LTBP2: variants seen among roughly 807,000 people sequenced by gnomAD.
LTBP2 encodes the protein latent transforming growth factor beta binding protein 2.
In LTBP2, 103 loss-of-function variants were observed where a neutral mutation model predicts 210.6. That is an observed-to-expected ratio of 0.49 (90% CI 0.42 to 0.58). LTBP2 has a LOEUF of 0.58. LTBP2 is among the 20% of genes least tolerant of loss of function. The pLI is 0.00. For missense variants in LTBP2, 2,313 were observed against 2,494.5 expected (o/e 0.93, Z 1.55); for synonymous variants, 1,007 against 1,015.0 (o/e 0.99, Z 0.15).
chr14:74,589,435 G>A (rs932445189), intron 2 of LTBP2, among the ~76,000 whole-genome samples: 3 of 152,180 alleles, frequency 2.0e-5, no homozygotes, highest in Non-Finnish European at 4.4e-5. Flanking sequence ...AGAGAGCATG[G>A]GAAATAACAG....
chr14:74,599,279 G>A (rs1371695859), intron 2 of LTBP2, among the ~76,000 whole-genome samples: 1 of 152,230 alleles, frequency 6.6e-6, no homozygotes, highest in Non-Finnish European at 1.5e-5. Flanking sequence ...GCAGGAGTGG[G>A]AGAGTAACTT....
intron 18 of LTBP2, 37 bp from the exon 19 acceptor site, chr14:74,511,401 G>C (rs1371771888): frequency 1.1e-5 from 18 of 1,613,284 alleles, no homozygotes; most frequent in East Asian, 2.2e-5. Context: ...TCATCCCTGG[G>C]AACATAGCAA....
chr14:74,503,066 C>A, intron 33 of LTBP2, 132 bp from the exon 34 acceptor site: 1 of 1,472,524 alleles, frequency 6.8e-7, no homozygotes, highest in South Asian at 1.2e-5. Flanking sequence ...CTCCCCACCT[C>A]TCCCCTGCCC....
chr14:74,598,323 C>T (rs1027539030), intron 2 of LTBP2, among the ~76,000 whole-genome samples: 6 of 152,208 alleles, frequency 3.9e-5, no homozygotes, highest in Non-Finnish European at 7.3e-5. Context: ...CCATTGCCCA[C>T]GTGATACACG....
At chr14:74,588,085 C>T (rs1419887899) in intron 2 of LTBP2, among the ~76,000 whole-genome samples, 4 of 152,234 alleles carry the variant, frequency 2.6e-5, no homozygotes, top group African/African-American at 9.6e-5. Flanking sequence ...TCCCTCAAGA[C>T]CCACTTCCCC....
At chr14:74,583,964 G>C (rs969230966) in intron 3 of LTBP2, among the ~76,000 whole-genome samples, 1 of 152,022 alleles carries the variant, frequency 6.6e-6, no homozygotes, top group African/African-American at 2.4e-5. Context: ...GCAACACATG[G>C]GGTGGTGCCC....
intron 9 of LTBP2, among the ~76,000 whole-genome samples, chr14:74,534,262 G>C (rs372134635): frequency 2.0e-5 from 3 of 152,118 alleles, no homozygotes; most frequent in Admixed American, 1.3e-4. Context: ...CCCTAACATG[G>C]TATCCAAGGC....
At position 74,546,336 on chromosome 14, in the gene LTBP2, G is replaced by A. The variant is rs1004243984; in HGVS notation, c.1789+3527C>T. 2.0e-5 allele frequency among the ~76,000 whole-genome samples: 3 copies of A among 152,070 alleles called. No homozygotes were observed. The East Asian group carries it at 5.8e-4, about 29-fold the overall frequency. On this transcript the variant is annotated intron_variant, in intron 8 of 35. Transcript: ENST00000261978. ...CTTGTCTTTTCTTCCTCTGCTTCTT[G>A]TATAGAAGCTTCCTTGTCATCCCCA...
chr14:74,526,225 T>C (rs1317884611), intron 13 of LTBP2, 111 bp from the exon 14 acceptor site: 9 of 1,063,188 alleles, frequency 8.5e-6, no homozygotes, highest in Non-Finnish European at 1.3e-5. Flanking sequence ...AGCTCATTCA[T>C]GTTTTCATTC....
chr14:74,519,045 C>A (rs1364989725), intron 17 of LTBP2, among the ~76,000 whole-genome samples: 1 of 152,080 alleles, frequency 6.6e-6, no homozygotes, highest in Non-Finnish European at 1.5e-5. Context: ...TTCTTAACAG[C>A]CATATGAAGA....
chr14:74,543,808 A>T (rs990365111), intron 8 of LTBP2, among the ~76,000 whole-genome samples: 1 of 152,326 alleles, frequency 6.6e-6, no homozygotes, highest in African/African-American at 2.4e-5. Flanking sequence ...CTCCTTGGTG[A>T]AGGACCAGTG....
intron 1 of LTBP2, among the ~76,000 whole-genome samples, chr14:74,608,937 T>C (rs2088568039): frequency 6.6e-6 from 1 of 152,214 alleles, no homozygotes. Flanking sequence ...AGAGTATGCC[T>C]GTCTTGGTCA....
intron 8 of LTBP2, among the ~76,000 whole-genome samples, chr14:74,537,085 G>A (rs543664458): frequency 2.0e-5 from 3 of 151,312 alleles, no homozygotes. Context: ...TGACCAACAA[G>A]GAAATTATTC....
chr14:74,573,358 C>T (rs1293833557), intron 3 of LTBP2, among the ~76,000 whole-genome samples: 1 of 152,254 alleles, frequency 6.6e-6, no homozygotes, highest in Non-Finnish European at 1.5e-5. Context: ...CCCTGGATCC[C>T]TCTCCATCCC....
At position 74,601,724 on chromosome 14, in the gene LTBP2, C is replaced by T. The variant is rs77283766; in HGVS notation, c.565+1911G>A. ...GAATGGGAGCAATCGCATCGCATCC[C>T]ATCAAGTGGGGTGTTAGGACAACCA... is the stretch of plus-strand genomic sequence containing the variant. On this transcript the variant is annotated intron_variant, in intron 2 of 35. Coordinates refer to ENST00000261978, the MANE Select transcript of LTBP2 (RefSeq NM_000428.3). Among the ~76,000 whole-genome samples the T allele has an allele frequency of 7.1e-3, 1,079 of 152,310 alleles. 10 individuals are homozygous for T. The highest frequency in any genetic ancestry group is 0.025 in the African/African-American group (1,024 of 41,558).
chr14:74,522,931 G>T lies in LTBP2; in HGVS notation c.2531-13C>A. 1 of 1,609,542 alleles carries T rather than the reference G, an allele frequency of 6.2e-7. No homozygotes were observed. On this transcript the variant is annotated splice_polypyrimidine_tract_variant and intron_variant, in intron 15 of 35. Transcript: ENST00000261978. ...CATCTGTCAATGCCTGTGGGAGACAGAGCAAAACAGAGGTTATGGCAGGGT... is the reference window on the plus strand; with the variant it reads ...CATCTGTCAATGCCTGTGGGAGACATAGCAAAACAGAGGTTATGGCAGGGT...
At chr14:74,585,622 G>A (rs989617805) in intron 3 of LTBP2, among the ~76,000 whole-genome samples, 1 of 152,068 alleles carries the variant, frequency 6.6e-6, no homozygotes, top group East Asian at 1.9e-4. Context: ...CAAAGACTTC[G>A]CTTCCCTCCT....
intron 1 of LTBP2, among the ~76,000 whole-genome samples, chr14:74,610,621 G>A (rs1057249883): frequency 6.6e-6 from 1 of 152,212 alleles, no homozygotes; most frequent in Non-Finnish European, 1.5e-5. Context: ...AAGGCGGAGC[G>A]TGCCCGCAGC....
intron 13 of LTBP2, among the ~76,000 whole-genome samples, 162 bp downstream of exon 13, chr14:74,527,185 G>A (rs915740727): frequency 6.6e-6 from 1 of 152,198 alleles, no homozygotes; most frequent in Non-Finnish European, 1.5e-5. Context: ...TGGGTCTTTG[G>A]ATCAATCCTC....
Sources: allele counts gnomAD v4.1 joint callset (sites outside exome capture counted in the v4.1 genomes callset), GRCh38; gene constraint gnomAD v4.1.1; transcripts MANE v1.5; gene names NCBI Gene and HGNC (gene_info 2026-07-23, HGNC 2026-07-21).